Variants in LUZP2 observed in about 807,000 individuals in gnomAD.
The protein encoded by LUZP2 is leucine zipper protein 2.
LUZP2 carries 52 observed loss-of-function variants against 51.6 expected under a neutral mutation model. The observed-to-expected ratio is 1.01, with a 90% CI of 0.81 to 1.27. LUZP2 has a LOEUF of 1.27. Ranked by LOEUF, LUZP2 falls within the 50% of genes most tolerant of loss-of-function variation. LUZP2 has a pLI of 0.00. For synonymous variants in LUZP2, 154 were observed against 137.3 expected, an observed-to-expected ratio of 1.12 and a Z score of -0.85; for missense variants, 436 against 395.4, an observed-to-expected ratio of 1.10 and a Z score of -0.87.
chr11:24,990,048 G>A (rs988197471), intron 9 of LUZP2, among the ~76,000 whole-genome samples: 39 of 151,916 alleles, frequency 2.6e-4, no homozygotes, highest in African/African-American at 7.7e-4. Context: ...TCTGATATTC[G>A]TCCATCAATA....
At chr11:25,047,331 A>AT (rs1222606224) in intron 9 of LUZP2, among the ~76,000 whole-genome samples, 6 of 6,468 alleles carry the variant, frequency 9.3e-4, no homozygotes, top group East Asian at 0.016. Flanking sequence ...TATTGTTTTT[A>AT]TTTTTTTTAT....
chr11:24,583,065 C>G lies in LUZP2; in HGVS notation c.62+85760C>G, dbSNP rs186742061. Among the ~76,000 whole-genome samples the G allele has an allele frequency of 1.3e-4, 20 of 152,092 alleles. 1 individual carries two copies. Among genetic ancestry groups the G allele is most frequent in the African/African-American group, 4.8e-4 (20 of 41,480 alleles). ...GTCAACTCTTCATTATCATTCAGCC[C>G]TTTTCTTGGTCTTTCACAGAGTTTT... On this transcript the variant is annotated intron_variant, in intron 1 of 11. Transcript: ENST00000336930.
chr11:24,591,684 T>C (rs1479635042), intron 1 of LUZP2, among the ~76,000 whole-genome samples: 1 of 152,142 alleles, frequency 6.6e-6, no homozygotes, highest in East Asian at 1.9e-4. Context: ...GCAAGTCATG[T>C]AACCTAGCAG....
At chr11:24,795,090 G>C (rs1190290385) in intron 5 of LUZP2, among the ~76,000 whole-genome samples, 1 of 152,070 alleles carries the variant, frequency 6.6e-6, no homozygotes, top group African/African-American at 2.4e-5. Flanking sequence ...CGACTTTACT[G>C]ATAAGATGGC....
At chr11:24,546,437 T>C (rs185942334) in intron 1 of LUZP2, among the ~76,000 whole-genome samples, 1 of 152,186 alleles carries the variant, frequency 6.6e-6, no homozygotes, top group Non-Finnish European at 1.5e-5. Context: ...ATGGCTCCTA[T>C]TATTTTGAAA....
intron 1 of LUZP2, among the ~76,000 whole-genome samples, chr11:24,693,911 AC>A (rs1487981590): frequency 6.6e-6 from 1 of 152,020 alleles, no homozygotes; most frequent in East Asian, 1.9e-4. Flanking sequence ...TGTAGAGCAA[AC>A]AGATTTGAAG....
At chr11:24,927,121 A>G (rs1297315688) in intron 7 of LUZP2, among the ~76,000 whole-genome samples, 1 of 134,738 alleles carries the variant, frequency 7.4e-6, no homozygotes, top group Non-Finnish European at 1.6e-5. Flanking sequence ...TTTCTTGTTG[A>G]TTTGTTTGAG....
intron 10 of LUZP2, among the ~76,000 whole-genome samples, chr11:25,076,409 T>A (rs550132033): frequency 6.6e-6 from 1 of 152,098 alleles, no homozygotes; most frequent in Non-Finnish European, 1.5e-5. Context: ...ATGAGAAATA[T>A]AACAAACGCA....
rs150151948 is a variant in LUZP2 at position 24,780,611 on chromosome 11, A to T, written c.396+17303A>T. 4.0e-3 allele frequency among the ~76,000 whole-genome samples: 611 copies of T among 152,268 alleles called. 2 individuals carry two copies. The highest frequency in any genetic ancestry group is 6.7e-3 in the Non-Finnish European group (458 of 68,012). On this transcript the variant is annotated intron_variant, in intron 5 of 11. Transcript: ENST00000336930. The stretch of plus-strand genomic sequence containing the variant: ...ATAATGATGGTTGATGATGATGATG[A>T]TCGTAATAACAACAGTTTACCAGTA...
At chr11:24,848,886 A>G (rs1268502105) in intron 5 of LUZP2, among the ~76,000 whole-genome samples, 1 of 152,186 alleles carries the variant, frequency 6.6e-6, no homozygotes, top group Non-Finnish European at 1.5e-5. Context: ...CATTTAATAT[A>G]GGAGCATAGG....
intron 5 of LUZP2, among the ~76,000 whole-genome samples, chr11:24,799,983 G>A (rs561148907): frequency 2.6e-5 from 4 of 152,190 alleles, no homozygotes; most frequent in Non-Finnish European, 4.4e-5. Flanking sequence ...GCTAAAGGAC[G>A]AAACAATCCT....
chr11:24,698,861 G>C (rs573135488), intron 1 of LUZP2, among the ~76,000 whole-genome samples: 17 of 152,096 alleles, frequency 1.1e-4, no homozygotes, highest in African/African-American at 4.1e-4. Context: ...TTTGAGACCA[G>C]CCTGGGCAAC....
At chr11:24,566,888 A>G (rs1395080027) in intron 1 of LUZP2, among the ~76,000 whole-genome samples, 1 of 110,644 alleles carries the variant, frequency 9.0e-6, no homozygotes, top group South Asian at 2.8e-4. Context: ...TAACATATAT[A>G]CATATTTATA....
chr11:24,856,594 A>G (rs138983616), intron 5 of LUZP2, among the ~76,000 whole-genome samples: 2 of 152,214 alleles, frequency 1.3e-5, no homozygotes, highest in East Asian at 3.9e-4. Flanking sequence ...CCCAAAGGGA[A>G]TAAATCATTA....
At chr11:24,907,897 A>G (rs1359965853) in intron 6 of LUZP2, among the ~76,000 whole-genome samples, 1 of 152,062 alleles carries the variant, frequency 6.6e-6, no homozygotes. Context: ...ATTGAAATGT[A>G]TTGTCATGCC....
intron 1 of LUZP2, among the ~76,000 whole-genome samples, chr11:24,692,770 CTAAG>C (rs1471271640): frequency 9.9e-5 from 15 of 152,030 alleles, no homozygotes; most frequent in African/African-American, 3.6e-4. Flanking sequence ...ACAAATTAAA[CTAAG>C]TGTTACTCTT....
At chr11:24,626,348 A>G (rs781572246) in intron 1 of LUZP2, among the ~76,000 whole-genome samples, 14 of 152,180 alleles carry the variant, frequency 9.2e-5, no homozygotes, top group Non-Finnish European at 2.1e-4. Context: ...CAGCATCCTT[A>G]GCAAGCAGCA....
At chr11:25,074,569 C>T (rs545997140) in intron 10 of LUZP2, among the ~76,000 whole-genome samples, 3 of 152,106 alleles carry the variant, frequency 2.0e-5, no homozygotes, top group South Asian at 2.1e-4. Flanking sequence ...TAGCAGATCT[C>T]GTAGTGTTTT....
chr11:25,075,671 AT>A (rs1859279840), intron 10 of LUZP2, among the ~76,000 whole-genome samples: 1 of 152,134 alleles, frequency 6.6e-6, no homozygotes, highest in Non-Finnish European at 1.5e-5. Context: ...GAAAAGATAA[AT>A]TATGGCAGAA....
Sources: gnomAD v4.1 joint callset for allele counts (sites outside exome capture counted in the v4.1 genomes callset) on GRCh38, gnomAD v4.1.1 for gene constraint, MANE v1.5 for transcripts, NCBI Gene and HGNC (gene_info 2026-07-23, HGNC 2026-07-21) for gene names.